Variants in STAT4 observed in about 807,000 individuals in gnomAD.
The protein encoded by STAT4 is signal transducer and activator of transcription 4.
A neutral mutation model predicts 110.5 loss-of-function variants in STAT4; 42 were observed. The ratio of observed to expected loss-of-function variants is 0.38; its 90% CI spans 0.30 to 0.49. The LOEUF is 0.49. Ranked by LOEUF, STAT4 falls within the 20% of genes least tolerant of loss-of-function variation. The pLI is 0.95. For synonymous variants in STAT4, 284 were observed against 302.2 expected (o/e 0.94, Z 0.63); for missense variants, 632 against 887.9 (o/e 0.71, Z 3.66).
chr2:191,134,841 G>A (rs985967110), intron 3 of STAT4, among the ~76,000 whole-genome samples: 1 of 151,808 alleles, frequency 6.6e-6, no homozygotes, highest in Non-Finnish European at 1.5e-5. Flanking sequence ...ATTGCATCAA[G>A]GAAGAAATTG....
chr2:191,095,390 G>A (rs548356540), intron 3 of STAT4, among the ~76,000 whole-genome samples: 1 of 152,118 alleles, frequency 6.6e-6, no homozygotes, highest in Non-Finnish European at 1.5e-5. Context: ...AAATGTAAAA[G>A]AACAGAAATC....
rs1471710724 is a variant in STAT4, at chr2:191,135,077, T to C, written c.273+11536A>G. Among the ~76,000 whole-genome samples the C allele has an allele frequency of 6.6e-6, 1 of 150,890 alleles. No individual in the cohort carries two copies. The highest frequency in any genetic ancestry group is 1.5e-5 in the Non-Finnish European group (1 of 67,656). ...TAATAAAGATCAGAGCAGAATAAAA[T>C]GGAGACTAAAAAAAGATACAAAGGA... On this transcript the variant is annotated intron_variant, in intron 3 of 23. Coordinates refer to ENST00000392320, the MANE Select transcript of STAT4 (RefSeq NM_003151.4). This position sits in a 1 kb window ranked among gnomAD's most constrained non-coding sequence, Gnocchi z 4.8.
At chr2:191,130,973 T>C (rs1198780960) in intron 3 of STAT4, among the ~76,000 whole-genome samples, 1 of 151,432 alleles carries the variant, frequency 6.6e-6, no homozygotes, top group Admixed American at 6.6e-5. Flanking sequence ...AAATTAAGTA[T>C]CTGAGTAAAG....
At position 191,061,741 on chromosome 2, in the gene STAT4, G is replaced by A; in HGVS notation, c.1022C>T (p.Thr341Ile). 1 of 1,613,988 alleles carries A rather than the reference G, an allele frequency of 6.2e-7. No homozygotes were observed. The highest frequency in any genetic ancestry group is 8.5e-7 in the Non-Finnish European group (1 of 1,179,890). The part of the protein sequence containing the change: ...PLVLKTLIQF[T>I]VKLRLLIKLP... Reference sequence around the variant, plus strand: ...TGTTTTTGCCTACCTTAGTTTTACAGTGAACTGAATTAGGGTTTTAAGTAC... The same window carrying A: ...TGTTTTTGCCTACCTTAGTTTTACAATGAACTGAATTAGGGTTTTAAGTAC... The change falls in exon 10 of 24, where the codon ACT (threonine) becomes ATT (isoleucine). Residue 341 changes from threonine (T) to isoleucine (I), a missense_variant. Transcript: ENST00000392320. The surrounding 1 kb of genome is among the most constrained non-coding windows in gnomAD (Gnocchi z 6.2).
At chr2:191,045,408 G>A (rs2125176894) in intron 14 of STAT4, among the ~76,000 whole-genome samples, 1 of 152,270 alleles carries the variant, frequency 6.6e-6, no homozygotes, top group African/African-American at 2.4e-5. Flanking sequence ...TTCTCAATGT[G>A]TGTATCCTCA....
intron 3 of STAT4, among the ~76,000 whole-genome samples, chr2:191,141,712 C>A (rs1217578507): frequency 6.6e-6 from 1 of 151,428 alleles, no homozygotes; most frequent in Non-Finnish European, 1.5e-5. Flanking sequence ...CTCACTGCAG[C>A]CTCCATCTCC....
intron 7 of STAT4, among the ~76,000 whole-genome samples, chr2:191,065,807 G>A (rs1344040569): frequency 6.6e-6 from 1 of 152,064 alleles, no homozygotes; most frequent in Admixed American, 6.6e-5. Flanking sequence ...ATGAACTACT[G>A]ATTTATCAGT....
Position 191,045,774 on chromosome 2 carries a change from CAG to C in STAT4, c.1252-4628_1252-4627del, listed in dbSNP as rs1261913289. On this transcript the variant is annotated intron_variant, in intron 14 of 23. Transcript: ENST00000392320. Reference sequence around the variant, plus strand: ...TCTTTGTGATACCTTACATTGCCTGCAGATAGTTATATTGACAAGGGTGGAAT... The same window carrying C: ...TCTTTGTGATACCTTACATTGCCTGCATAGTTATATTGACAAGGGTGGAAT... 2.0e-5 allele frequency among the ~76,000 whole-genome samples: 3 copies of C among 152,104 alleles called. No individual in the cohort carries two copies. The East Asian group carries it at 5.8e-4, about 29-fold the overall frequency.
rs145571359 is a variant in STAT4, at chr2:191,087,250, C to T, written c.274-10925G>A. ...CCCAATTTTTCTTTCACTCCATTGT[C>T]TGTCTCCATTTAACAACCTCTAAAC... On this transcript the variant is annotated intron_variant, in intron 3 of 23. Coordinates refer to ENST00000392320, the MANE Select transcript of STAT4 (RefSeq NM_003151.4). 7.8e-3 allele frequency among the ~76,000 whole-genome samples: 1,190 copies of T among 152,230 alleles called. 15 individuals are homozygous for T. The highest frequency in any genetic ancestry group is 0.037 in the Middle Eastern group (11 of 294).
Position 191,054,485 on chromosome 2 carries a change from C to T in STAT4, c.1251+5G>A. On this transcript the variant is annotated splice_donor_5th_base_variant and intron_variant, in intron 14 of 23. Transcript: ENST00000392320. ...AAAAATTCTATAGGAGAAAACATTT[C>T]CTACCTCATTTCCTTTACCTCCAGC... The T allele has an allele frequency of 6.2e-7, 1 of 1,609,508 alleles. No homozygotes were observed. Among genetic ancestry groups the T allele is most frequent in the Non-Finnish European group, 8.5e-7 (1 of 1,178,552 alleles).
chr2:191,089,304 G>A (rs1431205709), intron 3 of STAT4, among the ~76,000 whole-genome samples: 1 of 152,118 alleles, frequency 6.6e-6, no homozygotes, highest in Non-Finnish European at 1.5e-5. Context: ...CATATGAAAA[G>A]ATGCTCCACA....
intron 4 of STAT4, among the ~76,000 whole-genome samples, chr2:191,075,784 A>G (rs942807136): frequency 5.3e-5 from 8 of 151,882 alleles, no homozygotes; most frequent in Admixed American, 3.9e-4. Flanking sequence ...CACCACTAAC[A>G]TAAGTAAAAG....
At chr2:191,109,091 G>T (rs987748699) in intron 3 of STAT4, among the ~76,000 whole-genome samples, 12 of 152,198 alleles carry the variant, frequency 7.9e-5, no homozygotes, top group Admixed American at 7.9e-4. Context: ...CTACTGAGAA[G>T]AGAAGCATTT....
chr2:191,071,445 T>C (rs1210219033), intron 5 of STAT4, among the ~76,000 whole-genome samples: 1 of 152,224 alleles, frequency 6.6e-6, no homozygotes, highest in Non-Finnish European at 1.5e-5. Flanking sequence ...AGCAGAGATA[T>C]ACTGTGGTTC....
At chr2:191,096,967 A>G (rs2125324405) in intron 3 of STAT4, among the ~76,000 whole-genome samples, 1 of 152,296 alleles carries the variant, frequency 6.6e-6, no homozygotes, top group East Asian at 1.9e-4. Flanking sequence ...GCATTCTTAT[A>G]CACCAATAAC....
At chr2:191,141,540 GAT>G (rs57853934) in intron 3 of STAT4, among the ~76,000 whole-genome samples, 12 of 143,642 alleles carry the variant, frequency 8.4e-5, no homozygotes, top group East Asian at 2.0e-4. Context: ...ATACATATAT[GAT>G]ATATATATTT....
In STAT4 at chr2:191,116,158, G is replaced by T. The variant is rs374289178; in HGVS notation, c.273+30455C>A. Among the ~76,000 whole-genome samples, 1 of 152,134 alleles carries T rather than the reference G, an allele frequency of 6.6e-6. No homozygotes were observed. Among genetic ancestry groups the T allele is most frequent in the South Asian group, 2.1e-4 (1 of 4,826 alleles). The stretch of plus-strand genomic sequence containing the variant: ...AGGGCCGTGATGGACAAAGTCAATG[G>T]TACTCTTCCATTCCCAATGTGAAGC... On this transcript the variant is annotated intron_variant, in intron 3 of 23. Coordinates refer to ENST00000392320, the MANE Select transcript of STAT4 (RefSeq NM_003151.4). The surrounding 1 kb of genome is among the most constrained non-coding windows in gnomAD (Gnocchi z 4.1).
At chr2:191,151,192 C>A (rs2125472160), upstream of STAT4, 1 of 985,650 alleles carries the variant, frequency 1.0e-6, no homozygotes, top group Non-Finnish European at 1.2e-6. The surrounding 1 kb of genome is among the most constrained non-coding windows in gnomAD (Gnocchi z 4.7). Flanking sequence ...CTTCACCGGG[C>A]GTCCTCTTCC....
At chr2:191,133,159 C>A (rs1699089588) in intron 3 of STAT4, among the ~76,000 whole-genome samples, 2 of 150,666 alleles carry the variant, frequency 1.3e-5, no homozygotes, top group African/African-American at 4.9e-5. Context: ...TAATTGAATT[C>A]AAATAAAAAT....
Sources: gnomAD v4.1 joint callset for allele counts (sites outside exome capture counted in the v4.1 genomes callset) on GRCh38, gnomAD v4.1.1 for gene constraint, Gnocchi (gnomAD v3.1) non-coding constraint, MANE v1.5 for transcripts, NCBI Gene and HGNC (gene_info 2026-07-23, HGNC 2026-07-21) for gene names.